NOL4: variants seen among roughly 807,000 people sequenced by gnomAD.
The protein encoded by NOL4 is nucleolar protein 4, also known as cancer/testis antigen 125.
A neutral mutation model predicts 75.9 loss-of-function variants in NOL4; 17 were observed. That is an observed-to-expected ratio of 0.22 (90% CI 0.15 to 0.34). The LOEUF (loss-of-function observed/expected upper bound fraction) is 0.34, where lower values mean the gene tolerates loss of function less well. NOL4 is among the 10% of genes least tolerant of loss of function. The pLI, the probability that NOL4 is intolerant of heterozygous loss-of-function variation, is 1.00. For missense variants in NOL4, 614 were observed against 793.5 expected (o/e 0.77, Z 2.72); for synonymous variants, 292 against 289.9 (o/e 1.01, Z -0.07).
intron 5 of NOL4, among the ~76,000 whole-genome samples, chr18:34,052,730 C>T (rs1600407057): frequency 6.6e-6 from 1 of 151,886 alleles, no homozygotes; most frequent in Non-Finnish European, 1.5e-5. Flanking sequence ...ATTCAAAGTG[C>T]TAATTATTTT....
intron 1 of NOL4, among the ~76,000 whole-genome samples, chr18:34,134,017 C>T (rs901271813): frequency 2.0e-5 from 3 of 152,042 alleles, no homozygotes; most frequent in Admixed American, 6.6e-5. Flanking sequence ...AGTGAGACTT[C>T]GCCTCAAAAT....
chr18:33,930,736 G>C (rs990067586), intron 9 of NOL4, among the ~76,000 whole-genome samples: 3 of 152,080 alleles, frequency 2.0e-5, no homozygotes, highest in Admixed American at 1.3e-4. Context: ...CAAAATATTG[G>C]ATTTTGTGGT....
At chr18:34,158,762 AT>A (rs1385293783) in intron 1 of NOL4, 2 of 152,194 alleles carry the variant, frequency 1.3e-5, no homozygotes, top group Admixed American at 6.5e-5. Flanking sequence ...TTTAAAATAT[AT>A]TTCTTCTGAT....
chr18:34,032,044 T>C (rs2075664059), intron 5 of NOL4, among the ~76,000 whole-genome samples: 1 of 152,194 alleles, frequency 6.6e-6, no homozygotes, highest in Non-Finnish European at 1.5e-5. Flanking sequence ...GCTGAGGTGC[T>C]AGACAAGCCC....
At chr18:33,970,877 A>G (rs1192638493) in intron 6 of NOL4, among the ~76,000 whole-genome samples, 2 of 152,096 alleles carry the variant, frequency 1.3e-5, no homozygotes, top group Non-Finnish European at 2.9e-5. Context: ...GATCCATACA[A>G]TGTGTGAAAA....
chr18:34,104,876 A>C (rs1251607614), intron 3 of NOL4, among the ~76,000 whole-genome samples, 173 bp downstream of exon 3: 1 of 152,040 alleles, frequency 6.6e-6, no homozygotes, highest in Non-Finnish European at 1.5e-5. Context: ...AAGAATGGGC[A>C]CTGAATTACT....
intron 9 of NOL4, among the ~76,000 whole-genome samples, chr18:33,886,506 C>A (rs1395436546): frequency 1.4e-5 from 2 of 139,756 alleles, no homozygotes; most frequent in Admixed American, 1.5e-4. Flanking sequence ...CCAGCCTGGG[C>A]AACAGAGTGA....
At chr18:34,221,773 T>C (rs1457019069) in intron 1 of NOL4, among the ~76,000 whole-genome samples, 1 of 152,146 alleles carries the variant, frequency 6.6e-6, no homozygotes, top group Non-Finnish European at 1.5e-5. Context: ...AAAAGACCCT[T>C]CCAAATAATG....
intron 1 of NOL4, among the ~76,000 whole-genome samples, chr18:34,133,730 A>G (rs2080767180): frequency 6.6e-6 from 1 of 152,162 alleles, no homozygotes; most frequent in Non-Finnish European, 1.5e-5. Context: ...AAAAAGGTCA[A>G]ATAAGAAAGT....
At chr18:33,997,509 GT>G (rs1001339992) in intron 6 of NOL4, among the ~76,000 whole-genome samples, 1 of 151,624 alleles carries the variant, frequency 6.6e-6, no homozygotes, top group African/African-American at 2.4e-5. Context: ...TAATGTGATC[GT>G]CTGGCTTTGT....
At chr18:33,918,739 T>C (rs910094275) in intron 9 of NOL4, among the ~76,000 whole-genome samples, 5 of 152,160 alleles carry the variant, frequency 3.3e-5, no homozygotes, top group African/African-American at 1.2e-4. Context: ...ATAAGACACT[T>C]GCCAAAAACT....
At chr18:33,908,939 G>A (rs1241112087) in intron 9 of NOL4, among the ~76,000 whole-genome samples, 1 of 152,054 alleles carries the variant, frequency 6.6e-6, no homozygotes, top group Non-Finnish European at 1.5e-5. Flanking sequence ...CCTATAAAGT[G>A]TTCTGATTTA....
intron 1 of NOL4, among the ~76,000 whole-genome samples, chr18:34,153,626 T>C (rs1174681574): frequency 6.6e-6 from 1 of 151,962 alleles, no homozygotes; most frequent in African/African-American, 2.4e-5. Flanking sequence ...ATCATTTCAG[T>C]AGGTCAGGTC....
At position 34,224,522 on chromosome 18, in the gene NOL4, G is replaced by T. The variant is rs542232816; in HGVS notation, c.-1269C>A. ...AGGGGAGTTCCCATCCTCCTCGCGC[G>T]GCGGCTGCGGCCGCTCCTCTTTATT... On this transcript the variant is annotated 5_prime_UTR_variant, in exon 1 of 11. Transcript: ENST00000261592. The T allele has an allele frequency of 2.0e-5, 3 of 152,416 alleles. No homozygotes were observed. Among genetic ancestry groups the T allele is most frequent in the East Asian group, 3.9e-4 (2 of 5,178 alleles). The allele number at this position is 152,416 out of a possible 1,614,324, so 9.4% of individuals were successfully genotyped here. A position where few individuals can be genotyped will look rare whatever the true frequency, so the allele number is the denominator to read the frequency against.
intron 5 of NOL4, 56 bp from the exon 6 acceptor site, chr18:34,019,657 A>C (rs1034461005): frequency 6.7e-7 from 1 of 1,488,742 alleles, no homozygotes; most frequent in Non-Finnish European, 9.1e-7. Context: ...TTCAGAGTCT[A>C]CTTCAACTAG....
chr18:34,205,192 A>T (rs777866526), intron 1 of NOL4, among the ~76,000 whole-genome samples: 1 of 152,176 alleles, frequency 6.6e-6, no homozygotes, highest in South Asian at 2.1e-4. Context: ...AAAACTCATC[A>T]TAATATTATT....
chr18:34,025,939 C>T (rs372054466), intron 5 of NOL4, among the ~76,000 whole-genome samples: 1 of 152,072 alleles, frequency 6.6e-6, no homozygotes, highest in African/African-American at 2.4e-5. Flanking sequence ...AGTTCTTCTC[C>T]CTATGGTAAT....
chr18:33,882,136 T>C (rs1270140508), intron 10 of NOL4, among the ~76,000 whole-genome samples: 1 of 152,178 alleles, frequency 6.6e-6, no homozygotes, highest in Non-Finnish European at 1.5e-5. Flanking sequence ...ATTCAGGACA[T>C]AGGCATGGAC....
intron 9 of NOL4, among the ~76,000 whole-genome samples, chr18:33,942,852 T>A (rs1430935885): frequency 6.6e-6 from 1 of 151,940 alleles, no homozygotes; most frequent in Admixed American, 6.6e-5. Context: ...TTTGCTACTG[T>A]TCATTTTCGC....
Sources: allele counts gnomAD v4.1 joint callset (sites outside exome capture counted in the v4.1 genomes callset), GRCh38; gene constraint gnomAD v4.1.1; transcripts MANE v1.5; gene names NCBI Gene and HGNC (gene_info 2026-07-23, HGNC 2026-07-21).